GYG1: variants seen among roughly 807,000 people sequenced by gnomAD.
The protein encoded by GYG1 is glycogenin 1, also known as glycogenin-1.
In GYG1, 44 loss-of-function variants were observed where a neutral mutation model predicts 41.9. That is an observed-to-expected ratio of 1.05 (90% CI 0.83 to 1.35). The LOEUF is 1.35. Among genes scored for constraint, GYG1 ranks in the 40% most tolerant of loss-of-function variants. The pLI, the probability that GYG1 is intolerant of heterozygous loss-of-function variation, is 0.00. For synonymous variants in GYG1, 141 were observed against 158.1 expected (o/e 0.89, Z 0.81); for missense variants, 429 against 418.9 (o/e 1.02, Z -0.21).
intron 5 of GYG1, among the ~76,000 whole-genome samples, chr3:149,010,326 T>TC (rs527312711): frequency 0.026 from 3,887 of 147,168 alleles, 196 homozygotes; most frequent in African/African-American, 0.097. Flanking sequence ...CTGGTGCAGT[T>TC]CTTTTTTTTT....
intron 1 of GYG1, 75 bp downstream of exon 1, chr3:148,991,722 C>T (rs1337483338): frequency 1.7e-6 from 2 of 1,181,070 alleles, no homozygotes; most frequent in East Asian, 2.7e-5. Context: ...CCTTCTCCTC[C>T]GCCCTCAGCC....
chr3:149,026,302 C>T (rs1372891132), intron 6 of GYG1, 150 bp from the exon 7 acceptor site: 3 of 728,180 alleles, frequency 4.1e-6, no homozygotes, highest in African/African-American at 3.5e-5. Context: ...TGTTGCGGCT[C>T]TCTAGTTAGA....
At chr3:149,002,335 C>G (rs1460454737) in intron 4 of GYG1, among the ~76,000 whole-genome samples, 1 of 152,104 alleles carries the variant, frequency 6.6e-6, no homozygotes, top group African/African-American at 2.4e-5. Flanking sequence ...TACTAAGAGT[C>G]CAGACTAGGA....
chr3:148,992,163 C>T (rs1450010066), intron 1 of GYG1, among the ~76,000 whole-genome samples: 1 of 152,268 alleles, frequency 6.6e-6, no homozygotes, highest in African/African-American at 2.4e-5. Flanking sequence ...ATTTTTAGGC[C>T]TTTGGGGCCG....
chr3:149,026,170 C>T (rs1171797755), intron 6 of GYG1, among the ~76,000 whole-genome samples: 1 of 152,210 alleles, frequency 6.6e-6, no homozygotes, highest in Non-Finnish European at 1.5e-5. Context: ...AGCAAATTAA[C>T]AGAAGCTACA....
intron 5 of GYG1, among the ~76,000 whole-genome samples, chr3:149,022,609 C>T (rs1333939412): frequency 2.7e-5 from 4 of 147,240 alleles, no homozygotes; most frequent in African/African-American, 5.1e-5. Flanking sequence ...GATTCTCCTG[C>T]CTCAGCCTCC....
intron 5 of GYG1, among the ~76,000 whole-genome samples, chr3:149,023,295 G>A (rs889778297): frequency 6.6e-6 from 1 of 152,230 alleles, no homozygotes; most frequent in African/African-American, 2.4e-5. Context: ...GTGGGAAAGT[G>A]TCCTCCCCCT....
At chr3:148,993,223 C>T (rs1260475454) in intron 1 of GYG1, among the ~76,000 whole-genome samples, 1 of 147,578 alleles carries the variant, frequency 6.8e-6, no homozygotes, top group Non-Finnish European at 1.5e-5. Flanking sequence ...AGGGTGGGGA[C>T]TGTTCAGCAG....
At chr3:148,995,881 A>G (rs1712755267) in intron 2 of GYG1, among the ~76,000 whole-genome samples, 1 of 152,236 alleles carries the variant, frequency 6.6e-6, no homozygotes, top group Non-Finnish European at 1.5e-5. Context: ...GAATCTCATT[A>G]TACTTAAACA....
At chr3:149,003,478 A>G (rs1348154793) in intron 4 of GYG1, among the ~76,000 whole-genome samples, 1 of 152,138 alleles carries the variant, frequency 6.6e-6, no homozygotes, top group African/African-American at 2.4e-5. Flanking sequence ...GAGAGTTGGA[A>G]CCTATCTGAA....
intron 4 of GYG1, among the ~76,000 whole-genome samples, chr3:148,998,737 A>C (rs991165334): frequency 5.9e-5 from 9 of 152,250 alleles, no homozygotes; most frequent in South Asian, 4.1e-4. Context: ...TTAGCCTTTA[A>C]GTTCAAAAGA....
In GYG1 at chr3:149,011,275, CCTTA is replaced by C. The variant is rs1713706477; in HGVS notation, c.608+1878_608+1881del. Among the ~76,000 whole-genome samples, 6 of 152,318 alleles carry C rather than the reference CCTTA, an allele frequency of 3.9e-5. No homozygotes were observed. In the East Asian group the frequency reaches 5.8e-4, roughly 15 times the overall value. Reference sequence around the variant, plus strand: ...AAATGTGAACCTGATCCATTTTAATCCTTACTTATAACCCTGCTAGTCTGAATAG... The same window carrying C: ...AAATGTGAACCTGATCCATTTTAATCCTTATAACCCTGCTAGTCTGAATAG... On this transcript the variant is annotated intron_variant, in intron 5 of 7. Coordinates refer to ENST00000345003, the MANE Select transcript of GYG1 (RefSeq NM_004130.4).
chr3:148,991,699 C>T, intron 1 of GYG1, 52 bp downstream of exon 1: 2 of 1,364,266 alleles, frequency 1.5e-6, no homozygotes, highest in Non-Finnish European at 1.0e-6. Context: ...GCTTCCTGCC[C>T]AGCCGCCGCC....
At chr3:149,026,140 T>C (rs1157875568) in intron 6 of GYG1, among the ~76,000 whole-genome samples, 2 of 152,220 alleles carry the variant, frequency 1.3e-5, no homozygotes. Flanking sequence ...AAGATGGGAA[T>C]TGAAAGTTGT....
At chr3:148,996,671 A>G in intron 3 of GYG1, 71 bp from the exon 4 acceptor site, 1 of 1,439,436 alleles carries the variant, frequency 6.9e-7, no homozygotes, top group South Asian at 1.1e-5. Context: ...GTTGGATGAC[A>G]TAGGAAGAAC....
rs1490674521 is a variant in GYG1, at chr3:149,030,596, G to A, written c.*3663G>A. On this transcript the variant is annotated 3_prime_UTR_variant, in exon 8 of 8. Coordinates refer to ENST00000345003, the MANE Select transcript of GYG1 (RefSeq NM_004130.4). ...TAATCTCACTGAAGTATTGCTATAT[G>A]GAGAACCCATACTCTGATCAACTTG... 3 of 152,164 alleles carry A rather than the reference G, an allele frequency of 2.0e-5. No homozygotes were observed. Among genetic ancestry groups the A allele is most frequent in the African/African-American group, 7.2e-5 (3 of 41,442 alleles). 9.4% of individuals were successfully genotyped at this position (152,164 alleles called of 1,614,324 possible).
At position 148,996,434 on chromosome 3, in the gene GYG1, T is replaced by G. The variant is rs1175442255; in HGVS notation, c.276T>G (p.Leu92=). ...TGACAAAGCTCCACTGCTGGTCGCT[T>G]ACACAGTATTCAAAATGTGTATTCA... ...VTLTKLHCWS[L]TQYSKCVFMD... Residue 92 remains leucine (L), a synonymous_variant, in exon 3 of 8, where the codon CTT becomes CTG. Transcript: ENST00000345003. 6.2e-7 allele frequency: 1 copy of G among 1,614,102 alleles called. No individual in the cohort carries two copies. The highest frequency in any genetic ancestry group is 1.1e-5 in the South Asian group (1 of 91,080).
chr3:149,017,582 G>GTTTGTTTTTT (rs1714123988), intron 5 of GYG1, among the ~76,000 whole-genome samples: 1 of 47,330 alleles, frequency 2.1e-5, no homozygotes, highest in Non-Finnish European at 4.8e-5. Flanking sequence ...TTTTATTTAG[G>GTTTGTTTTTT]TTTTTTTTTT....
At chr3:149,022,444 T>A (rs887962053) in intron 5 of GYG1, among the ~76,000 whole-genome samples, 1 of 151,460 alleles carries the variant, frequency 6.6e-6, no homozygotes, top group Admixed American at 6.6e-5. Flanking sequence ...ATCATGAAAT[T>A]TATATTGATT....
Sources: gnomAD v4.1 joint callset for allele counts (sites outside exome capture counted in the v4.1 genomes callset) on GRCh38, gnomAD v4.1.1 for gene constraint, MANE v1.5 for transcripts, NCBI Gene and HGNC (gene_info 2026-07-23, HGNC 2026-07-21) for gene names.